The following SCHIP1 variants were observed in gnomAD, a reference collection of about 807,000 sequenced individuals.
The protein encoded by SCHIP1 is schwannomin interacting protein 1, also known as schwannomin-interacting protein 1.
Under a neutral mutation model 29.7 loss-of-function variants are expected in SCHIP1, and 8 were observed. The observed-to-expected ratio is 0.27, with a 90% CI of 0.16 to 0.49. The LOEUF is 0.49. Among genes scored for constraint, SCHIP1 ranks in the 20% least tolerant of loss-of-function variants. SCHIP1 has a pLI of 0.99. For synonymous variants in SCHIP1, 76 were observed against 94.9 expected (o/e 0.80, Z 1.16); for missense variants, 193 against 294.6 (o/e 0.66, Z 2.52).
chr3:159,872,496 A>G (rs1226317483), intron 2 of SCHIP1, among the ~76,000 whole-genome samples: 1 of 152,144 alleles, frequency 6.6e-6, no homozygotes, highest in Non-Finnish European at 1.5e-5. Flanking sequence ...TCACTGAGTC[A>G]TCTGCCCCCT....
the SCHIP1 span, among the ~76,000 whole-genome samples, chr3:159,676,546 A>C: frequency 6.6e-6 from 1 of 152,200 alleles, no homozygotes; most frequent in African/African-American, 2.4e-5. Flanking sequence ...AAACAACACA[A>C]AGAATATTTG....
At chr3:159,726,855 G>A in the SCHIP1 span, among the ~76,000 whole-genome samples, 937 of 152,328 alleles carry the variant, frequency 6.2e-3, 10 homozygotes, top group Admixed American at 0.022. Context: ...TGCTCGAAGA[G>A]AAGATTGTCT....
At chr3:159,647,577 T>C in the SCHIP1 span, among the ~76,000 whole-genome samples, 28 of 152,182 alleles carry the variant, frequency 1.8e-4, no homozygotes, top group Admixed American at 1.8e-3. Context: ...CAGCAGTGTC[T>C]GTCAGAAGAA....
At chr3:159,275,220 T>C in the SCHIP1 span, 1 of 332,468 alleles carries the variant, frequency 3.0e-6, no homozygotes, top group Non-Finnish European at 4.3e-6. Flanking sequence ...GAAAGGTAGA[T>C]TTATGATTTC....
chr3:159,361,915 G>A, the SCHIP1 span, among the ~76,000 whole-genome samples: 1 of 152,198 alleles, frequency 6.6e-6, no homozygotes, highest in African/African-American at 2.4e-5. Flanking sequence ...GAGGGAAGAA[G>A]ATCAGGACAT....
At chr3:159,428,747 G>A in the SCHIP1 span, among the ~76,000 whole-genome samples, 4 of 151,906 alleles carry the variant, frequency 2.6e-5, no homozygotes, top group South Asian at 2.1e-4. Context: ...AGATACACAC[G>A]TATGTTTATT....
chr3:159,889,018 A>T lies in SCHIP1; in HGVS notation c.589+75A>T. On this transcript the variant is annotated intron_variant, in intron 5 of 6. Transcript: ENST00000445224. ...GGGATAATGCTGCTTCCTTGGTCCA[A>T]CTTTTTCATACAACATTTCATTGGG... 5 of 1,504,066 alleles carry T rather than the reference A, an allele frequency of 3.3e-6. No individual in the cohort carries two copies. The South Asian group carries it at 5.4e-5, about 16-fold the overall frequency. The allele number at this position is 1,504,066 out of a possible 1,614,324, so 93.2% of individuals were successfully genotyped here.
chr3:159,835,517 C>A (rs1214083133), upstream of SCHIP1, among the ~76,000 whole-genome samples: 1 of 152,210 alleles, frequency 6.6e-6, no homozygotes, highest in Non-Finnish European at 1.5e-5. Context: ...CCATCAATTC[C>A]TCTCATTTAC....
chr3:159,493,398 T>C, the SCHIP1 span, among the ~76,000 whole-genome samples: 1 of 152,122 alleles, frequency 6.6e-6, no homozygotes, highest in African/African-American at 2.4e-5. Flanking sequence ...AATAAAGGGA[T>C]GGAGGAAGAT....
the SCHIP1 span, among the ~76,000 whole-genome samples, chr3:159,454,944 G>C: frequency 6.6e-6 from 1 of 152,150 alleles, no homozygotes; most frequent in Non-Finnish European, 1.5e-5. Flanking sequence ...TCACTATTTA[G>C]AAAATTTGTG....
chr3:159,882,128 A>G (rs777244621), intron 2 of SCHIP1, among the ~76,000 whole-genome samples: 5 of 152,370 alleles, frequency 3.3e-5, no homozygotes, highest in Non-Finnish European at 7.3e-5. Flanking sequence ...GGGTCACATT[A>G]CAGAGGAGAT....
chr3:159,421,897 A>T, the SCHIP1 span, among the ~76,000 whole-genome samples: 2 of 152,206 alleles, frequency 1.3e-5, no homozygotes, highest in Non-Finnish European at 2.9e-5. Flanking sequence ...AACACAATTA[A>T]GTCATGTTGC....
the SCHIP1 span, among the ~76,000 whole-genome samples, chr3:159,715,918 C>G: frequency 6.6e-6 from 1 of 152,100 alleles, no homozygotes; most frequent in Admixed American, 6.5e-5. Flanking sequence ...AGATACTCCT[C>G]AAGAAGAACA....
At chr3:159,557,216 CA>C in the SCHIP1 span, among the ~76,000 whole-genome samples, 2 of 150,520 alleles carry the variant, frequency 1.3e-5, no homozygotes, top group Non-Finnish European at 1.5e-5. Flanking sequence ...CTCAGCCTCC[CA>C]AAAAAAAGAT....
At chr3:159,340,278 CTCAT>C in the SCHIP1 span, among the ~76,000 whole-genome samples, 2 of 151,954 alleles carry the variant, frequency 1.3e-5, no homozygotes, top group South Asian at 2.1e-4. Context: ...AGAGGTAATA[CTCAT>C]TCAAAGATAG....
intron 2 of SCHIP1, among the ~76,000 whole-genome samples, chr3:159,875,038 A>AAAG: frequency 6.6e-6 from 1 of 151,472 alleles, no homozygotes; most frequent in Middle Eastern, 3.4e-3. Flanking sequence ...AAAAACAAAA[A>AAAG]CTATCATTTT....
At chr3:159,385,048 C>T in the SCHIP1 span, among the ~76,000 whole-genome samples, 4 of 151,818 alleles carry the variant, frequency 2.6e-5, no homozygotes, top group Admixed American at 6.6e-5. Context: ...TTTGTTGATC[C>T]TTTCAAAAAA....
chr3:159,791,742 T>C, the SCHIP1 span, among the ~76,000 whole-genome samples: 31,219 of 152,196 alleles, frequency 0.21, 3,505 homozygotes, highest in South Asian at 0.32. Context: ...GCCTTTATTA[T>C]CAGTTGTATT....
At chr3:159,539,589 T>C in the SCHIP1 span, among the ~76,000 whole-genome samples, 5 of 135,398 alleles carry the variant, frequency 3.7e-5, 1 homozygote, top group East Asian at 1.2e-3. Context: ...GGCAGATCCT[T>C]GAGGCTAGAT....
Sources: allele counts gnomAD v4.1 joint callset (sites outside exome capture counted in the v4.1 genomes callset), GRCh38; gene constraint gnomAD v4.1.1; transcripts MANE v1.5; gene names NCBI Gene and HGNC (gene_info 2026-07-23, HGNC 2026-07-21).